Variants in AKT1S1 observed in about 807,000 individuals in gnomAD.
AKT1S1 encodes proline-rich AKT1 substrate 1.
AKT1S1 carries 17 observed loss-of-function variants against 21.2 expected under a neutral mutation model. The ratio of observed to expected loss-of-function variants is 0.80; its 90% CI spans 0.55 to 1.20. AKT1S1 has a LOEUF of 1.20. Among genes scored for constraint, AKT1S1 ranks in the 50% most tolerant of loss-of-function variants. AKT1S1 has a pLI of 0.00. For missense variants in AKT1S1, 366 were observed against 368.3 expected, an observed-to-expected ratio of 0.99 and a Z score of 0.05; for synonymous variants, 181 against 165.6, an observed-to-expected ratio of 1.09 and a Z score of -0.72.
At chr19:49,876,362 G>C in intron 1 of AKT1S1, 1 of 1,189,086 alleles carries the variant, frequency 8.4e-7, no homozygotes, top group Non-Finnish European at 1.1e-6. Context: ...GGCCCAGGTA[G>C]AGATCCCAGG....
chr19:49,871,859 A>G lies in AKT1S1; in HGVS notation c.410T>C (p.Leu137Pro). Residue 137 changes from leucine (L) to proline (P), a missense_variant, in exon 3 of 5, where the codon CTC becomes CCC. Transcript: ENST00000344175. ...GLFVMDEDAT[L>P]QDLPPFCESD... The stretch of plus-strand genomic sequence containing the variant: ...CTCACAGAAGGGGGGAAGGTCCTGG[A>G]GGGTGGCGTCCTCATCCATCACAAA... 1 of 1,612,728 alleles carries G rather than the reference A, an allele frequency of 6.2e-7. No homozygotes were observed. The highest frequency in any genetic ancestry group is 1.1e-5 in the South Asian group (1 of 91,044).
At position 49,870,048 on chromosome 19, in the gene AKT1S1, C is replaced by T. The variant is rs1387625211; in HGVS notation, c.640G>A (p.Asp214Asn). The T allele has an allele frequency of 6.5e-7, 1 of 1,546,402 alleles. No individual in the cohort carries two copies. The highest frequency in any genetic ancestry group is 1.9e-5 in the Admixed American group (1 of 53,868). Residue 214 changes from aspartate to asparagine, a missense_variant, in exon 5 of 5, where the codon GAC (aspartate) becomes AAC (asparagine). Physicochemically the swap from Asp to Asn is conservative, Grantham distance 23. Coordinates refer to ENST00000344175, the MANE Select transcript of AKT1S1 (RefSeq NM_001098633.4). The part of the protein sequence containing the change: ...DEENGPPSSP[D>N]LDRIAASMRA... ...ATGCTCGCCGCGATGCGGTCCAGGT[C>T]GGGCGAAGAGGGCTGCGGGGACGGC... is the stretch of plus-strand genomic sequence containing the variant.
chr19:49,871,194 C>T (rs921676893), intron 4 of AKT1S1, among the ~76,000 whole-genome samples: 1 of 152,110 alleles, frequency 6.6e-6, no homozygotes, highest in Non-Finnish European at 1.5e-5. Context: ...ACAAATTCTG[C>T]AAAGGGCTAG....
chr19:49,873,219 G>A lies in AKT1S1; in HGVS notation c.77C>T (p.Thr26Met), dbSNP rs770093794. Residue 26 changes from threonine to methionine, a missense_variant, in exon 2 of 5, where the codon ACG becomes ATG. Thr to Met is a moderately conservative substitution (Grantham distance 81, BLOSUM62 -1). Transcript: ENST00000344175. The surrounding 1 kb of genome is among the most constrained non-coding windows in gnomAD (Gnocchi z 6.9). ...AAERFRARTG[T>M]ELVLLTAAPP... The stretch of plus-strand genomic sequence containing the variant: ...GGCCGCGGTCAGCAGCACCAGCTCC[G>A]TGCCAGTCCGGGCCCGGAAGCGCTC... The A allele has an allele frequency of 2.7e-5, 41 of 1,535,430 alleles. No homozygotes were observed. Among genetic ancestry groups the A allele is most frequent in the East Asian group, 5.0e-5 (2 of 40,112 alleles).
chr19:49,878,292 G>A (rs550963060), upstream of AKT1S1: 79 of 1,504,952 alleles, frequency 5.2e-5, no homozygotes, highest in East Asian at 1.7e-3. Flanking sequence ...GGATGCAGGC[G>A]GTCTGGGATG....
chr19:49,869,552 G>C lies in AKT1S1; in HGVS notation c.*365C>G. ...ATTTGAGCCAATCAAAAAAAGAGCT[G>C]TCCAGCGACTAGGGGATGGAGCCAA... On this transcript the variant is annotated 3_prime_UTR_variant, in exon 5 of 5. Transcript: ENST00000344175. 1 of 186,804 alleles carries C rather than the reference G, an allele frequency of 5.4e-6. No individual in the cohort carries two copies. Among genetic ancestry groups the C allele is most frequent in the East Asian group, 1.3e-4 (1 of 7,760 alleles). 11.6% of individuals were successfully genotyped at this position (186,804 alleles called of 1,614,324 possible). A position where few individuals can be genotyped will look rare whatever the true frequency, so the allele number is the denominator to read the frequency against.
chr19:49,872,875 T>A (rs756591901), intron 2 of AKT1S1, 42 bp downstream of exon 2: 3 of 1,568,758 alleles, frequency 1.9e-6, no homozygotes, highest in South Asian at 2.3e-5. Flanking sequence ...TGCGGGCACC[T>A]CAAGCGCTGG....
chr19:49,873,531 C>T lies in AKT1S1; in HGVS notation c.-7-229G>A. 1 of 754,552 alleles carries T rather than the reference C, an allele frequency of 1.3e-6. No individual in the cohort carries two copies. The highest frequency in any genetic ancestry group is 1.9e-6 in the Non-Finnish European group (1 of 523,022). 46.7% of individuals were successfully genotyped at this position (754,552 alleles called of 1,614,324 possible). On this transcript the variant is annotated intron_variant, in intron 1 of 4. Coordinates refer to ENST00000344175, the MANE Select transcript of AKT1S1 (RefSeq NM_001098633.4). This position sits in a 1 kb window ranked among gnomAD's most constrained non-coding sequence, Gnocchi z 6.9. ...CTCTGCCCCAACCCATTCCTCCTGC[C>T]CCAAGTCACTGTACTCCTTCCCCTT...
Position 49,869,672 on chromosome 19 carries a change from G to C in AKT1S1, c.*245C>G, listed in dbSNP as rs1213871210. The C allele has an allele frequency of 2.4e-6, 1 of 421,372 alleles. No individual in the cohort carries two copies. The highest frequency in any genetic ancestry group is 2.1e-5 in the African/African-American group (1 of 48,516). The allele number at this position is 421,372 out of a possible 1,614,324, so 26.1% of individuals were successfully genotyped here. ...CAGCGAGCCAATCCCTTAATAGAAG[G>C]AATCTGTCGCTAGGCGGAGAGAGAC... On this transcript the variant is annotated 3_prime_UTR_variant, in exon 5 of 5. Coordinates refer to ENST00000344175, the MANE Select transcript of AKT1S1 (RefSeq NM_001098633.4).
At position 49,869,900 on chromosome 19, in the gene AKT1S1, C is replaced by T. The variant is rs2074864059; in HGVS notation, c.*17G>A. 4 of 1,477,260 alleles carry T rather than the reference C, an allele frequency of 2.7e-6. No individual in the cohort carries two copies. Among genetic ancestry groups the T allele is most frequent in the African/African-American group, 1.4e-5 (1 of 69,774 alleles). The allele number at this position is 1,477,260 out of a possible 1,614,324, so 91.5% of individuals were successfully genotyped here. A position where few individuals can be genotyped will look rare whatever the true frequency, so the allele number is the denominator to read the frequency against. On this transcript the variant is annotated 3_prime_UTR_variant, in exon 5 of 5. Coordinates refer to ENST00000344175, the MANE Select transcript of AKT1S1 (RefSeq NM_001098633.4). ...GGGACGGGGCGGACGCGGCCCGGGG[C>T]GCTCCCTCCCTGGACTTCAATATTT...
upstream of AKT1S1, chr19:49,878,096 G>A (rs759488701): frequency 8.8e-6 from 13 of 1,484,250 alleles, no homozygotes; most frequent in East Asian, 3.2e-4. Context: ...TCCCCAGGCT[G>A]GTCCCCTCGC....
upstream of AKT1S1, chr19:49,878,206 T>C (rs763676011): frequency 6.4e-7 from 1 of 1,566,614 alleles, no homozygotes. Context: ...GGACCGAGAC[T>C]CTCTCATCGC....
Position 49,873,090 on chromosome 19 carries a change from T to C in AKT1S1, c.206A>G (p.His69Arg). Residue 69 changes from histidine to arginine, a missense_variant, in exon 2 of 5, where the codon CAC becomes CGC. By Grantham distance (29) the His-to-Arg change is conservative (BLOSUM62 0). Transcript: ENST00000344175. This position sits in a 1 kb window ranked among gnomAD's most constrained non-coding sequence, Gnocchi z 6.9. Reference sequence around the variant, plus strand: ...AGGCCGAGCAGCAGTGGCAGCCCTGTGGGCCAGTGCGATGTCGTGGAGGCA... The same window carrying C: ...AGGCCGAGCAGCAGTGGCAGCCCTGCGGGCCAGTGCGATGTCGTGGAGGCA... ...RRCLHDIALA[H>R]RAATAARPPA... The C allele has an allele frequency of 1.9e-6, 3 of 1,550,204 alleles. No homozygotes were observed. Among genetic ancestry groups the C allele is most frequent in the South Asian group, 1.2e-5 (1 of 84,426 alleles).
intron 1 of AKT1S1, chr19:49,874,727 T>A (rs146772879): frequency 6.6e-6 from 1 of 151,802 alleles, no homozygotes; most frequent in Non-Finnish European, 1.5e-5. Context: ...TTCTTCCCCA[T>A]TAACCAGCGT....
At chr19:49,877,507 G>T, upstream of AKT1S1, 1 of 548,698 alleles carries the variant, frequency 1.8e-6, no homozygotes, top group Admixed American at 3.5e-5. Flanking sequence ...CTCCGTAGCC[G>T]GATCCACCTT....
Position 49,871,690 on chromosome 19 carries a change from C to T in AKT1S1, c.484G>A (p.Ala162Thr), listed in dbSNP as rs201574936. The T allele has an allele frequency of 6.0e-5, 96 of 1,612,826 alleles. 1 individual carries two copies. In the South Asian group the frequency reaches 7.0e-4, roughly 12 times the overall value. The change falls in exon 4 of 5, where the codon GCC (alanine) becomes ACC (threonine). Residue 162 changes from alanine (A) to threonine (T), a missense_variant. Ala to Thr is a moderately conservative substitution (Grantham distance 58). Coordinates refer to ENST00000344175, the MANE Select transcript of AKT1S1 (RefSeq NM_001098633.4). The stretch of plus-strand genomic sequence containing the variant: ...GGCACTGAGCAGGTGGGGGGGCCGG[C>T]GGGGGTCTCCTCGCTCAGGCTGCCA... ...DDGSLSEETP[A>T]GPPTCSVPPA...
chr19:49,871,495 G>A (rs769431683), intron 4 of AKT1S1, 52 bp downstream of exon 4: 22 of 1,608,090 alleles, frequency 1.4e-5, no homozygotes, highest in Admixed American at 3.3e-5. Context: ...TGGAGGAGGC[G>A]GCTCAGAGCC....
upstream of AKT1S1, chr19:49,877,658 C>G: frequency 6.4e-7 from 1 of 1,565,660 alleles, no homozygotes; most frequent in Admixed American, 1.9e-5. Flanking sequence ...ACTGTTTTCT[C>G]CGGAAGTGAC....
At chr19:49,875,512 G>C (rs1220608994) in intron 1 of AKT1S1, among the ~76,000 whole-genome samples, 39 of 152,238 alleles carry the variant, frequency 2.6e-4, no homozygotes, top group Admixed American at 2.6e-3. Flanking sequence ...GTCCTTCCCA[G>C]CTGATGAGGG....
Sources: gnomAD v4.1 joint callset for allele counts (sites outside exome capture counted in the v4.1 genomes callset) on GRCh38, gnomAD v4.1.1 for gene constraint, Gnocchi (gnomAD v3.1) non-coding constraint, MANE v1.5 for transcripts, NCBI Gene and HGNC (gene_info 2026-07-23, HGNC 2026-07-21) for gene names.